EAF2: variants seen among roughly 807,000 people sequenced by gnomAD.
The protein encoded by EAF2 is ELL associated factor 2.
In EAF2, 29 loss-of-function variants were observed where a neutral mutation model predicts 29.4. That is an observed-to-expected ratio of 0.99 (90% confidence interval 0.73 to 1.35). The LOEUF (loss-of-function observed/expected upper bound fraction) is 1.35. EAF2 is among the 40% of genes most tolerant of loss of function. EAF2 has a pLI of 0.00. For missense variants in EAF2, 292 were observed against 312.0 expected, an observed-to-expected ratio of 0.94 and a Z score of 0.48; for synonymous variants, 103 against 102.5, an observed-to-expected ratio of 1.00 and a Z score of -0.03.
At chr3:121,871,924 C>T (rs1484579876) in intron 4 of EAF2, among the ~76,000 whole-genome samples, 2 of 151,860 alleles carry the variant, frequency 1.3e-5, no homozygotes, top group African/African-American at 4.8e-5. Flanking sequence ...ACCTTCCCAA[C>T]TATAATTTTT....
intron 4 of EAF2, among the ~76,000 whole-genome samples, chr3:121,870,244 A>G (rs1394010951): frequency 6.6e-6 from 1 of 152,214 alleles, no homozygotes; most frequent in Non-Finnish European, 1.5e-5. Context: ...ACTATGAACC[A>G]ATATCTCTGA....
At chr3:121,841,440 C>T (rs937179286) in intron 1 of EAF2, among the ~76,000 whole-genome samples, 11 of 133,630 alleles carry the variant, frequency 8.2e-5, no homozygotes, top group African/African-American at 1.7e-4. Context: ...AGGAGGCGTA[C>T]GTTACAGTGA....
At chr3:121,839,270 A>G (rs1011785960) in intron 1 of EAF2, among the ~76,000 whole-genome samples, 5 of 152,146 alleles carry the variant, frequency 3.3e-5, no homozygotes, top group Non-Finnish European at 5.9e-5. Flanking sequence ...TTGATCCCAT[A>G]TCTTCTCTTG....
At chr3:121,858,510 G>A (rs1435575187) in intron 4 of EAF2, among the ~76,000 whole-genome samples, 3 of 152,104 alleles carry the variant, frequency 2.0e-5, no homozygotes, top group African/African-American at 7.2e-5. Context: ...ACTTTTTGAT[G>A]GAGTCGTTTG....
At chr3:121,877,208 TGTGTGTGTGC>T (rs1709114633) in intron 5 of EAF2, among the ~76,000 whole-genome samples, 2 of 151,978 alleles carry the variant, frequency 1.3e-5, no homozygotes, top group Admixed American at 6.6e-5. Flanking sequence ...ACTATGTATG[TGTGTGTGTGC>T]GTGTGTGTGT....
At chr3:121,866,557 C>T (rs559685451) in intron 4 of EAF2, among the ~76,000 whole-genome samples, 56 of 151,924 alleles carry the variant, frequency 3.7e-4, no homozygotes, top group African/African-American at 1.4e-3. Flanking sequence ...GAAACCCTGT[C>T]TCTACTAAAA....
Position 121,835,319 on chromosome 3 carries a change from C to T in EAF2, c.34C>T (p.Arg12Cys). 2 of 1,614,216 alleles carry T rather than the reference C, an allele frequency of 1.2e-6. No individual in the cohort carries two copies. Among genetic ancestry groups the T allele is most frequent in the South Asian group, 1.1e-5 (1 of 91,088 alleles). The stretch of plus-strand genomic sequence containing the variant: ...CGCAGCGGGATTCTCACACCTAGAC[C>T]GTCGCGAGCGGGTTCTCAAGTTAGG... ...NSAAGFSHLD[R>C]RERVLKLGES... Residue 12 changes from arginine (R) to cysteine (C), a missense_variant, in exon 1 of 6, where the codon CGT becomes TGT. Arg to Cys is a radical substitution (Grantham distance 180, BLOSUM62 -3). Transcript: ENST00000273668.
intron 4 of EAF2, among the ~76,000 whole-genome samples, chr3:121,863,640 C>T (rs765663426): frequency 9.9e-5 from 15 of 152,152 alleles, no homozygotes; most frequent in Non-Finnish European, 1.2e-4. Context: ...CCCGACCCCT[C>T]GCACTTCCCG....
At chr3:121,839,191 C>A (rs1436901674) in intron 1 of EAF2, among the ~76,000 whole-genome samples, 1 of 152,184 alleles carries the variant, frequency 6.6e-6, no homozygotes, top group Non-Finnish European at 1.5e-5. Context: ...ACCTAACATT[C>A]AGGACCTTTT....
chr3:121,853,776 T>C (rs1708672052), intron 2 of EAF2, among the ~76,000 whole-genome samples: 2 of 152,208 alleles, frequency 1.3e-5, no homozygotes, highest in African/African-American at 4.8e-5. Flanking sequence ...TTACAGATTC[T>C]TTGGGGTTTG....
chr3:121,866,464 A>G (rs1221915156), intron 4 of EAF2, among the ~76,000 whole-genome samples: 3 of 152,170 alleles, frequency 2.0e-5, no homozygotes, highest in Admixed American at 6.5e-5. Context: ...GGTGGCTCAC[A>G]TCTGTAATCC....
At chr3:121,861,959 T>G (rs967736615) in intron 4 of EAF2, among the ~76,000 whole-genome samples, 6 of 152,308 alleles carry the variant, frequency 3.9e-5, no homozygotes, top group Admixed American at 3.3e-4. Flanking sequence ...TGAAATTCTG[T>G]GTTGCAAATT....
chr3:121,835,420 G>C lies in EAF2; in HGVS notation c.106+29G>C, dbSNP rs758927625. 10 of 1,599,884 alleles carry C rather than the reference G, an allele frequency of 6.3e-6. No individual in the cohort carries two copies. The African/African-American group carries it at 6.7e-5, about 11-fold the overall frequency. ...AGTGAGGACCATCCGGGGATAGAGG[G>C]GGAGCCTCCCGGGATGGGGGTGAAG... On this transcript the variant is annotated intron_variant, in intron 1 of 5. Transcript: ENST00000273668.
intron 1 of EAF2, among the ~76,000 whole-genome samples, chr3:121,839,800 A>G (rs942004832): frequency 6.6e-6 from 1 of 152,248 alleles, no homozygotes; most frequent in Non-Finnish European, 1.5e-5. Flanking sequence ...TTCTGTATCC[A>G]TTACATTAAA....
At chr3:121,869,756 G>A (rs1208412583) in intron 4 of EAF2, among the ~76,000 whole-genome samples, 1 of 151,954 alleles carries the variant, frequency 6.6e-6, no homozygotes, top group African/African-American at 2.4e-5. Context: ...GCGTGGTGGT[G>A]TGCACCTGAG....
chr3:121,855,714 C>T (rs1026051654), intron 3 of EAF2, among the ~76,000 whole-genome samples: 1 of 152,140 alleles, frequency 6.6e-6, no homozygotes, highest in Non-Finnish European at 1.5e-5. Flanking sequence ...TTGAACGGAG[C>T]AGAGGTTTGT....
chr3:121,871,871 C>T (rs1476182938), intron 4 of EAF2, among the ~76,000 whole-genome samples: 1 of 151,898 alleles, frequency 6.6e-6, no homozygotes, highest in East Asian at 1.9e-4. Context: ...TCTTCATTCC[C>T]TCATTTATAA....
intron 5 of EAF2, among the ~76,000 whole-genome samples, chr3:121,875,937 G>T (rs1345104074): frequency 1.3e-5 from 2 of 151,884 alleles, no homozygotes; most frequent in East Asian, 1.9e-4. Flanking sequence ...TGAGAGACCA[G>T]CTTAGAGATA....
At chr3:121,870,455 T>C (rs1179828367) in intron 4 of EAF2, among the ~76,000 whole-genome samples, 1 of 152,116 alleles carries the variant, frequency 6.6e-6, no homozygotes, top group Non-Finnish European at 1.5e-5. Context: ...AATAAGTGTC[T>C]TGAAGAGAAT....
Sources: gnomAD v4.1 joint callset for allele counts (sites outside exome capture counted in the v4.1 genomes callset) on GRCh38, gnomAD v4.1.1 for gene constraint, MANE v1.5 for transcripts, NCBI Gene and HGNC (gene_info 2026-07-23, HGNC 2026-07-21) for gene names.